Variants in PSD3 observed in about 807,000 individuals in gnomAD.
PSD3 encodes the protein pleckstrin and Sec7 domain containing 3, also known as PH and SEC7 domain-containing protein 3.
PSD3 carries 49 observed loss-of-function variants against 105.5 expected under a neutral mutation model. The observed-to-expected ratio is 0.46, with a 90% CI of 0.37 to 0.59. PSD3 has a LOEUF of 0.59. Ranked by LOEUF, PSD3 falls within the 20% of genes least tolerant of loss-of-function variation. The pLI is 0.00. For synonymous variants in PSD3, 557 were observed against 457.8 expected (o/e 1.22, Z -2.77); for missense variants, 1,561 against 1,263.8 (o/e 1.24, Z -3.57).
At chr8:18,813,208 G>C (rs1006922656) in intron 4 of PSD3, among the ~76,000 whole-genome samples, 1 of 152,204 alleles carries the variant, frequency 6.6e-6, no homozygotes, top group Admixed American at 6.5e-5. Flanking sequence ...TTAAAAGCTG[G>C]TGGAAGGTGA....
At chr8:18,982,731 T>G (rs533816408) in intron 1 of PSD3, among the ~76,000 whole-genome samples, 1 of 152,202 alleles carries the variant, frequency 6.6e-6, no homozygotes, top group Non-Finnish European at 1.5e-5. Flanking sequence ...GCCTCAACAG[T>G]TGGCTTCAAA....
At chr8:18,616,644 G>A (rs1805700858) in intron 11 of PSD3, among the ~76,000 whole-genome samples, 1 of 28,842 alleles carries the variant, frequency 3.5e-5, no homozygotes, top group Non-Finnish European at 1.0e-4. Context: ...TTTTTTTTGA[G>A]ACGGAGTCTC....
intron 10 of PSD3, among the ~76,000 whole-genome samples, chr8:18,643,185 G>T (rs1283864110): frequency 6.6e-6 from 1 of 152,160 alleles, no homozygotes; most frequent in African/African-American, 2.4e-5. Context: ...ATTGTGGAAG[G>T]TGCAAGGGCA....
At chr8:18,635,647 A>G (rs917066518) in intron 10 of PSD3, among the ~76,000 whole-genome samples, 1 of 152,156 alleles carries the variant, frequency 6.6e-6, no homozygotes, top group African/African-American at 2.4e-5. Context: ...ATGCCCACCA[A>G]TGATAGACTG....
chr8:18,631,611 G>C (rs1320931041), intron 11 of PSD3, among the ~76,000 whole-genome samples: 1 of 151,852 alleles, frequency 6.6e-6, no homozygotes, highest in Non-Finnish European at 1.5e-5. Context: ...TTCACTTGCT[G>C]TCACAACTAT....
intron 1 of PSD3, among the ~76,000 whole-genome samples, chr8:18,982,970 G>C (rs1825316364): frequency 3.3e-5 from 5 of 152,240 alleles, no homozygotes; most frequent in Admixed American, 3.3e-4. Context: ...CTGTAGCTAT[G>C]TAAGTTCCAG....
At chr8:18,751,041 C>G (rs1329606762) in intron 9 of PSD3, among the ~76,000 whole-genome samples, 3 of 152,128 alleles carry the variant, frequency 2.0e-5, no homozygotes, top group Non-Finnish European at 2.9e-5. Context: ...GCGATGCGCT[C>G]ACACTCCTCA....
intron 9 of PSD3, among the ~76,000 whole-genome samples, chr8:18,669,946 G>A (rs933103256): frequency 2.6e-5 from 4 of 152,058 alleles, no homozygotes; most frequent in African/African-American, 7.2e-5. Flanking sequence ...TATTTATTTA[G>A]GCATCGTGAA....
chr8:19,011,002 TA>T, intron 1 of PSD3, among the ~76,000 whole-genome samples: 1 of 151,670 alleles, frequency 6.6e-6, no homozygotes, highest in South Asian at 2.1e-4. Context: ...ATTCACATAC[TA>T]AACTCCACAG....
intron 1 of PSD3, among the ~76,000 whole-genome samples, chr8:18,970,537 C>A (rs1485509037): frequency 6.6e-6 from 1 of 152,022 alleles, no homozygotes. Flanking sequence ...ATACAACTTC[C>A]CATGTCCTAA....
intron 9 of PSD3, among the ~76,000 whole-genome samples, chr8:18,749,319 G>C (rs575012872): frequency 6.6e-6 from 1 of 152,088 alleles, no homozygotes. Flanking sequence ...AGCACCCATC[G>C]GAACTACGTT....
At chr8:18,750,690 G>A (rs927725475) in intron 9 of PSD3, among the ~76,000 whole-genome samples, 1 of 152,002 alleles carries the variant, frequency 6.6e-6, no homozygotes, top group Non-Finnish European at 1.5e-5. Context: ...ACAGGGCGCT[G>A]AGTGGTGCGT....
chr8:18,624,633 A>G (rs1806350507), intron 11 of PSD3, among the ~76,000 whole-genome samples: 1 of 150,258 alleles, frequency 6.7e-6, no homozygotes, highest in African/African-American at 2.5e-5. Context: ...ACATGTATAC[A>G]TATGTAACTA....
At chr8:18,562,405 A>G (rs1019075515) in intron 14 of PSD3, among the ~76,000 whole-genome samples, 1 of 152,366 alleles carries the variant, frequency 6.6e-6, no homozygotes. Context: ...TCACCTTGGA[A>G]CAGCCTTCTG....
chr8:18,978,122 G>A (rs534454660), intron 1 of PSD3, among the ~76,000 whole-genome samples: 88 of 152,250 alleles, frequency 5.8e-4, no homozygotes, highest in Non-Finnish European at 1.1e-3. Context: ...CCAGAATCTC[G>A]CCCCAGGTAA....
chr8:19,067,973 A>T (rs1453256628), intron 1 of PSD3, among the ~76,000 whole-genome samples: 1 of 152,248 alleles, frequency 6.6e-6, no homozygotes, highest in Non-Finnish European at 1.5e-5. Context: ...TCAGTCAGGC[A>T]CATGGGAAGT....
rs551012614 is a variant in PSD3 at position 18,886,249 on chromosome 8, T to C, written c.131-13516A>G. On this transcript the variant is annotated intron_variant, in intron 2 of 15. Transcript: ENST00000327040. ...GGTAAGAATAATATTTTGCTTTCTATATAAAAATAAAAATTTTGAAAAACT... is the reference window on the plus strand; with the variant it reads ...GGTAAGAATAATATTTTGCTTTCTACATAAAAATAAAAATTTTGAAAAACT... Among the ~76,000 whole-genome samples the C allele has an allele frequency of 5.9e-5, 9 of 152,192 alleles. No individual in the cohort carries two copies. In the East Asian group the frequency reaches 1.4e-3, roughly 23 times the overall value.
chr8:18,965,789 G>A (rs147834320), intron 1 of PSD3, among the ~76,000 whole-genome samples: 1,711 of 152,274 alleles, frequency 0.011, 29 homozygotes, highest in African/African-American at 0.039. Context: ...CCCATGAGAT[G>A]GATCTGAAGC....
chr8:18,813,362 G>T (rs1330316061), intron 4 of PSD3, among the ~76,000 whole-genome samples: 1 of 152,164 alleles, frequency 6.6e-6, no homozygotes, highest in Non-Finnish European at 1.5e-5. Flanking sequence ...AGGTTAACCA[G>T]GCAGAGCTGT....
Sources: gnomAD v4.1 joint callset for allele counts (sites outside exome capture counted in the v4.1 genomes callset) on GRCh38, gnomAD v4.1.1 for gene constraint, MANE v1.5 for transcripts, NCBI Gene and HGNC (gene_info 2026-07-23, HGNC 2026-07-21) for gene names.